Variants in CCDC180 observed in about 807,000 individuals in gnomAD.
The protein encoded by CCDC180 is coiled-coil domain containing 180.
A neutral mutation model predicts 209.2 loss-of-function variants in CCDC180; 154 were observed. That is an observed-to-expected ratio of 0.74 (90% CI 0.65 to 0.84). The LOEUF (loss-of-function observed/expected upper bound fraction) is 0.84, where lower values mean the gene tolerates loss of function less well. Ranked by LOEUF, CCDC180 falls within the 40% of genes least tolerant of loss-of-function variation. The pLI, the probability that CCDC180 is intolerant of heterozygous loss-of-function variation, is 0.00. For synonymous variants in CCDC180, 778 were observed against 749.1 expected, an observed-to-expected ratio of 1.04 and a Z score of -0.63; for missense variants, 1,874 against 1,997.3, an observed-to-expected ratio of 0.94 and a Z score of 1.18.
chr9:97,307,695 G>A lies in CCDC180; in HGVS notation c.-193G>A, dbSNP rs773641972. 1.6e-5 allele frequency: 26 copies of A among 1,591,606 alleles called. No individual in the cohort carries two copies. In the South Asian group the frequency reaches 2.8e-4, roughly 17 times the overall value. On this transcript the variant is annotated 5_prime_UTR_variant, in exon 1 of 37. It adds an upstream start codon to the 5' untranslated region. Coordinates refer to ENST00000529487, the MANE Select transcript of CCDC180 (RefSeq NM_020893.6). ...ACTTTTCCCCGAAGAGCATGGCAGA[G>A]TGAAGCACAAGCAATAATCCTGTAT...
intron 26 of CCDC180, among the ~76,000 whole-genome samples, chr9:97,360,313 A>C (rs1441648347): frequency 6.6e-6 from 1 of 152,106 alleles, no homozygotes; most frequent in African/African-American, 2.4e-5. Context: ...CATTGGTCTC[A>C]GAGGAGACCC....
At chr9:97,317,356 T>C (rs1248443226) in intron 9 of CCDC180, 128 bp downstream of exon 9, 1 of 836,312 alleles carries the variant, frequency 1.2e-6, no homozygotes, top group Non-Finnish European at 1.8e-6. Context: ...CTTTTTAAAG[T>C]TAGAAATAGA....
At position 97,330,359 on chromosome 9, in the gene CCDC180, A is replaced by G; in HGVS notation, c.1866A>G (p.Lys622=). 1.9e-6 allele frequency: 3 copies of G among 1,614,080 alleles called. No homozygotes were observed. Among genetic ancestry groups the G allele is most frequent in the Non-Finnish European group, 2.5e-6 (3 of 1,180,024 alleles). The change falls in exon 18 of 37, where the codon AAA becomes AAG. Residue 622 remains lysine, a synonymous_variant. Transcript: ENST00000529487. ...AACCCTCCCAGAAGAGAGTGAAAAA[A>G]CTGAGGAAGAAGCAAGGGTCTAAAG... ...HEKPSQKRVK[K]LRKKQGSKED... is the part of the protein sequence containing the mutation.
chr9:97,353,331 G>T (rs1826478675), intron 22 of CCDC180, among the ~76,000 whole-genome samples: 2 of 152,128 alleles, frequency 1.3e-5, no homozygotes, highest in Admixed American at 1.3e-4. Flanking sequence ...TTTCAAAACT[G>T]CCTGCTCCTT....
intron 9 of CCDC180, among the ~76,000 whole-genome samples, chr9:97,318,028 T>C (rs1298226029): frequency 5.3e-5 from 8 of 152,198 alleles, no homozygotes; most frequent in African/African-American, 1.9e-4. Flanking sequence ...GGGGCTTGCT[T>C]GCATCATTTT....
rs777576437 is a variant in CCDC180, at chr9:97,376,876, C to G, written c.4956C>G (p.Ile1652Met). ...KDSWKQSLHT[I>M]QGLYV ...GCTGGAAGCAGTCCCTGCACACTAT[C>G]CAAGGCCTGTATGTGTGACCCTCCG... is the stretch of plus-strand genomic sequence containing the variant. Residue 1652 changes from isoleucine (I) to methionine (M), a missense_variant, in exon 37 of 37, where the codon ATC (isoleucine) becomes ATG (methionine). Coordinates refer to ENST00000529487, the MANE Select transcript of CCDC180 (RefSeq NM_020893.6). 1 of 1,612,436 alleles carries G rather than the reference C, an allele frequency of 6.2e-7. No individual in the cohort carries two copies. Among genetic ancestry groups the G allele is most frequent in the Non-Finnish European group, 8.5e-7 (1 of 1,179,826 alleles).
At chr9:97,345,752 A>G in intron 19 of CCDC180, 1 of 234,230 alleles carries the variant, frequency 4.3e-6, no homozygotes, top group Non-Finnish European at 8.6e-6. Context: ...CTCCGTCTCA[A>G]AAAAAAATTA....
chr9:97,343,651 G>A, intron 19 of CCDC180, 88 bp downstream of exon 19: 1 of 1,001,862 alleles, frequency 1.0e-6, no homozygotes, highest in South Asian at 1.7e-5. Context: ...GGATTGGGCT[G>A]GTATCAGTTG....
intron 18 of CCDC180, among the ~76,000 whole-genome samples, chr9:97,340,775 G>A (rs913703800): frequency 2.0e-5 from 3 of 152,102 alleles, no homozygotes; most frequent in Non-Finnish European, 4.4e-5. Flanking sequence ...GACAACACCC[G>A]CTACTTAGCA....
chr9:97,311,636 C>T (rs1832989160), intron 3 of CCDC180, among the ~76,000 whole-genome samples: 1 of 152,176 alleles, frequency 6.6e-6, no homozygotes, highest in South Asian at 2.1e-4. Flanking sequence ...CTTGGAGTCT[C>T]CTCTCTGTTG....
chr9:97,331,784 G>T (rs1233261060), intron 18 of CCDC180, among the ~76,000 whole-genome samples: 1 of 152,096 alleles, frequency 6.6e-6, no homozygotes, highest in Non-Finnish European at 1.5e-5. Context: ...ATTCTTTATA[G>T]ATTCTGGATA....
At chr9:97,318,698 A>G in intron 10 of CCDC180, 116 bp downstream of exon 10, 5 of 1,403,766 alleles carry the variant, frequency 3.6e-6, no homozygotes, top group Non-Finnish European at 9.6e-7. Context: ...ACCAACTCCC[A>G]GCTCTCTGGC....
At chr9:97,315,015 C>G in intron 8 of CCDC180, 69 bp downstream of exon 8, 1 of 1,188,838 alleles carries the variant, frequency 8.4e-7, no homozygotes, top group Non-Finnish European at 1.2e-6. Flanking sequence ...CAGGGCACCC[C>G]GAGCCTGGTG....
chr9:97,349,803 G>A (rs1417389299), intron 21 of CCDC180, among the ~76,000 whole-genome samples: 3 of 152,184 alleles, frequency 2.0e-5, no homozygotes, highest in Non-Finnish European at 4.4e-5. Context: ...ACTGGCAAGT[G>A]TCTACGCAGC....
intron 19 of CCDC180, among the ~76,000 whole-genome samples, chr9:97,344,686 A>G (rs1261322313): frequency 6.6e-6 from 1 of 152,150 alleles, no homozygotes; most frequent in East Asian, 1.9e-4. Flanking sequence ...ACCAACCACT[A>G]TGCTATCTGC....
chr9:97,315,846 C>G (rs540064648), intron 8 of CCDC180, among the ~76,000 whole-genome samples: 1 of 152,244 alleles, frequency 6.6e-6, no homozygotes, highest in South Asian at 2.1e-4. Flanking sequence ...GAGCTTGCTG[C>G]GTCGTTAAAT....
At position 97,326,662 on chromosome 9, in the gene CCDC180, A is replaced by T; in HGVS notation, c.1654A>T (p.Lys552Ter). ...EKVKDYLKNMKSRYECFHTLL... is the reference protein window; with the variant it reads ...EKVKDYLKNM The stretch of plus-strand genomic sequence containing the variant: ...GGTCAAAGATTATCTGAAGAACATG[A>T]AATCCAGGTAGGCCAACCAGACTCC... Residue 552 changes from lysine (K) to a stop codon, truncating the protein, a stop_gained, in exon 15 of 37, where the codon AAA becomes TAA. Transcript: ENST00000529487. LOFTEE classifies it high-confidence loss of function. The T allele has an allele frequency of 6.2e-7, 1 of 1,602,136 alleles. No individual in the cohort carries two copies. The highest frequency in any genetic ancestry group is 8.6e-7 in the Non-Finnish European group (1 of 1,169,110).
Position 97,375,472 on chromosome 9 carries a change from A to T in CCDC180, c.4725A>T (p.Lys1575Asn), listed in dbSNP as rs1186311095. The T allele has an allele frequency of 6.2e-7, 1 of 1,614,204 alleles. No individual in the cohort carries two copies. Among genetic ancestry groups the T allele is most frequent in the Non-Finnish European group, 8.5e-7 (1 of 1,180,030 alleles). Residue 1575 changes from lysine (K) to asparagine (N), a missense_variant, in exon 36 of 37, where the codon AAA becomes AAT. Coordinates refer to ENST00000529487, the MANE Select transcript of CCDC180 (RefSeq NM_020893.6). ...ERGSRKWPGIKPTEVTIQNKI... is the reference protein window; with the variant it reads ...ERGSRKWPGINPTEVTIQNKI... The stretch of plus-strand genomic sequence containing the variant: ...TTTGTAGGAAGTGGCCAGGGATCAA[A>T]CCCACCGAAGTCACCATCCAAAACA...
At chr9:97,356,285 C>A (rs990952646) in intron 24 of CCDC180, among the ~76,000 whole-genome samples, 2 of 152,114 alleles carry the variant, frequency 1.3e-5, no homozygotes, top group African/African-American at 4.8e-5. Flanking sequence ...ACAGACTTGT[C>A]TTTTGGGAGT....
Sources: gnomAD v4.1 joint callset for allele counts (sites outside exome capture counted in the v4.1 genomes callset) on GRCh38, gnomAD v4.1.1 for gene constraint, MANE v1.5 for transcripts, NCBI Gene and HGNC (gene_info 2026-07-23, HGNC 2026-07-21) for gene names.